Variants in KNL1 observed in about 807,000 individuals in gnomAD.
KNL1 encodes the protein kinetochore scaffold 1.
KNL1 carries 66 observed loss-of-function variants against 201.3 expected under a neutral mutation model. The ratio of observed to expected loss-of-function variants is 0.33; its 90% CI spans 0.27 to 0.40. The LOEUF (loss-of-function observed/expected upper bound fraction) is 0.40, where lower values mean the gene tolerates loss of function less well. Ranked by LOEUF, KNL1 falls within the 10% of genes least tolerant of loss-of-function variation. The pLI, the probability that KNL1 is intolerant of heterozygous loss-of-function variation, is 1.00. For missense variants in KNL1, 2,815 were observed against 2,690.5 expected (o/e 1.05, Z -1.02); for synonymous variants, 895 against 899.2 (o/e 1.00, Z 0.08).
intron 13 of KNL1, among the ~76,000 whole-genome samples, chr15:40,633,279 C>G (rs1427060298): frequency 1.4e-5 from 2 of 145,118 alleles, no homozygotes; most frequent in African/African-American, 5.1e-5. Context: ...CCACTGCGCT[C>G]CAGCCTGGGC....
intron 8 of KNL1, among the ~76,000 whole-genome samples, chr15:40,618,283 G>A (rs928901740): frequency 4.0e-5 from 6 of 151,764 alleles, no homozygotes; most frequent in South Asian, 2.1e-4. Context: ...TTCCTTATTG[G>A]TTTATCTTCT....
In KNL1 at chr15:40,663,150, C is replaced by T. The variant is rs1383521485; in HGVS notation, c.*962C>T. On this transcript the variant is annotated 3_prime_UTR_variant, in exon 26 of 26. Transcript: ENST00000399668. ...TCTCAGCTCACTGCAAGCTCCGCCT[C>T]CTGGGTTCACGCCATTCTCCTGCCT... is the stretch of plus-strand genomic sequence containing the variant. 6.4e-6 allele frequency: 1 copy of T among 157,376 alleles called. No homozygotes were observed. The highest frequency in any genetic ancestry group is 1.6e-4 in the East Asian group (1 of 6,296). The allele number at this position is 157,376 out of a possible 1,614,324, so 9.7% of individuals were successfully genotyped here. A position where few individuals can be genotyped will look rare whatever the true frequency, so the allele number is the denominator to read the frequency against.
chr15:40,637,350 C>T (rs1319719216), intron 13 of KNL1, among the ~76,000 whole-genome samples: 4 of 143,922 alleles, frequency 2.8e-5, no homozygotes, highest in African/African-American at 7.7e-5. Context: ...TTAATATAGG[C>T]TTGATTAGAT....
At chr15:40,657,283 C>A (rs895687043) in intron 23 of KNL1, 72 bp from the exon 24 acceptor site, 2 of 1,072,426 alleles carry the variant, frequency 1.9e-6, no homozygotes, top group African/African-American at 1.6e-5. Flanking sequence ...TTTTTGAGTT[C>A]TTTGTAAGTG....
Position 40,644,978 on chromosome 15 carries a change from T to G in KNL1, c.5799-19T>G. The G allele has an allele frequency of 6.4e-7, 1 of 1,554,068 alleles. No individual in the cohort carries two copies. Among genetic ancestry groups the G allele is most frequent in the Non-Finnish European group, 8.9e-7 (1 of 1,128,590 alleles). On this transcript the variant is annotated intron_variant, in intron 14 of 25. Transcript: ENST00000399668. ...TCTTTCTTTTCCCTACAGTGCTAAT[T>G]AACTTTTCCGTATTTTAGATTAAAG... is the stretch of plus-strand genomic sequence containing the variant.
intron 21 of KNL1, among the ~76,000 whole-genome samples, chr15:40,653,152 C>A (rs965389418): frequency 9.9e-5 from 15 of 152,052 alleles, no homozygotes; most frequent in Admixed American, 5.3e-4. Flanking sequence ...ATATTCAAAT[C>A]ATCAGTAAGA....
intron 25 of KNL1, among the ~76,000 whole-genome samples, chr15:40,661,860 G>C (rs1893918773): frequency 6.6e-6 from 1 of 151,884 alleles, no homozygotes; most frequent in Non-Finnish European, 1.5e-5. Context: ...GAGTAACACA[G>C]TGAAACCCCA....
intron 11 of KNL1, 92 bp from the exon 12 acceptor site, chr15:40,628,519 C>T (rs997577048): frequency 1.1e-6 from 1 of 908,488 alleles, no homozygotes; most frequent in African/African-American, 1.7e-5. Context: ...CAATGGGTAG[C>T]TTCAGGATCA....
At chr15:40,648,881 A>G in intron 17 of KNL1, among the ~76,000 whole-genome samples, 1 of 136,330 alleles carries the variant, frequency 7.3e-6, no homozygotes, top group African/African-American at 2.8e-5. Flanking sequence ...CCCAGGCTGG[A>G]GTCAATGGCA....
Position 40,621,955 on chromosome 15 carries a change from C to A in KNL1, c.1691C>A (p.Thr564Asn). The A allele has an allele frequency of 1.2e-6, 2 of 1,613,930 alleles. No homozygotes were observed. Among genetic ancestry groups the A allele is most frequent in the Non-Finnish European group, 1.7e-6 (2 of 1,179,864 alleles). The change falls in exon 10 of 26, where the codon ACT becomes AAT. Residue 564 changes from threonine to asparagine, a missense_variant. Transcript: ENST00000399668. ...PLSISLTDRK[T>N]ELLSGENMDL... ...TCTATTTCATTGACTGATAGAAAGA[C>A]TGAACTCTTATCAGGTGAAAATATG...
intron 1 of KNL1, among the ~76,000 whole-genome samples, chr15:40,599,444 T>G (rs1015967039): frequency 7.0e-6 from 1 of 142,906 alleles, no homozygotes; most frequent in African/African-American, 2.6e-5. Context: ...AGTGCAGTGG[T>G]TTGATCTCTG....
At chr15:40,601,253 G>A (rs1891782775) in intron 1 of KNL1, among the ~76,000 whole-genome samples, 1 of 152,164 alleles carries the variant, frequency 6.6e-6, no homozygotes, top group Non-Finnish European at 1.5e-5. Context: ...ATGATCAGAG[G>A]TGGAACAGTT....
At chr15:40,597,913 T>G (rs541935547) in intron 1 of KNL1, among the ~76,000 whole-genome samples, 1 of 152,304 alleles carries the variant, frequency 6.6e-6, no homozygotes, top group East Asian at 1.9e-4. Flanking sequence ...GGCTCACGCC[T>G]GTCATCCCAG....
At chr15:40,619,355 A>AATATATATATAT (rs71956781) in intron 9 of KNL1, among the ~76,000 whole-genome samples, 2 of 146,124 alleles carry the variant, frequency 1.4e-5, no homozygotes, top group African/African-American at 5.0e-5. Flanking sequence ...CACACAGTGT[A>AATATATATATAT]ATATATATAT....
Position 40,620,735 on chromosome 15 carries a change from C to T in KNL1, c.471C>T (p.His157=). ...DENQMDLTSS[H]TVMITKGLLD... is the part of the protein sequence containing the mutation. ...ACCAGATGGACCTGACATCAAGTCA[C>T]ACTGTAATGATTACCAAAGGCCTTT... The change falls in exon 10 of 26, where the codon CAC becomes CAT. Residue 157 remains histidine, a synonymous_variant. Coordinates refer to ENST00000399668, the MANE Select transcript of KNL1 (RefSeq NM_144508.5). The T allele has an allele frequency of 1.9e-6, 3 of 1,612,006 alleles. No homozygotes were observed. Among genetic ancestry groups the T allele is most frequent in the Middle Eastern group, 3.3e-4 (2 of 6,056 alleles).
chr15:40,655,127 G>A (rs978293172), intron 22 of KNL1, 150 bp downstream of exon 22: 21 of 572,228 alleles, frequency 3.7e-5, no homozygotes, highest in East Asian at 3.7e-4. Context: ...GTGAAACCCC[G>A]TCTCTGCTAA....
At chr15:40,608,753 A>G in intron 4 of KNL1, 94 bp from the exon 5 acceptor site, 1 of 907,490 alleles carries the variant, frequency 1.1e-6, no homozygotes, top group African/African-American at 1.7e-5. Flanking sequence ...CTCAAAAAAA[A>G]AAAAAAAAGG....
At position 40,622,370 on chromosome 15, in the gene KNL1, A is replaced by G. The variant is rs1000727386; in HGVS notation, c.2106A>G (p.Leu702=). 1 of 1,613,970 alleles carries G rather than the reference A, an allele frequency of 6.2e-7. No individual in the cohort carries two copies. The highest frequency in any genetic ancestry group is 1.3e-5 in the African/African-American group (1 of 75,044). The change falls in exon 10 of 26, where the codon TTA becomes TTG. Residue 702 remains leucine, a synonymous_variant. Transcript: ENST00000399668. The part of the protein sequence containing the change: ...EQSLFSTTKP[L]FSSGQFSMKN... ...CTTTGTTTTCTACCACAAAGCCATT[A>G]TTTTCATCAGGACAGTTCTCTATGA...
chr15:40,604,056 G>T (rs905989504), intron 2 of KNL1, among the ~76,000 whole-genome samples: 3 of 152,028 alleles, frequency 2.0e-5, no homozygotes, highest in Non-Finnish European at 4.4e-5. Flanking sequence ...ATTTGGTCCT[G>T]TGTCCAAGCC....
Sources: gnomAD v4.1 joint callset for allele counts (sites outside exome capture counted in the v4.1 genomes callset) on GRCh38, gnomAD v4.1.1 for gene constraint, MANE v1.5 for transcripts, NCBI Gene and HGNC (gene_info 2026-07-23, HGNC 2026-07-21) for gene names.